The following TARS1 variants were observed in gnomAD, a reference collection of about 807,000 sequenced individuals.
The protein encoded by TARS1 is threonyl-tRNA synthetase 1, also known as threonine--tRNA ligase 1, cytoplasmic.
TARS1 carries 57 observed loss-of-function variants against 97.7 expected under a neutral mutation model. The observed-to-expected ratio is 0.58, with a 90% CI of 0.47 to 0.73. TARS1 has a LOEUF of 0.73. TARS1 is among the 30% of genes least tolerant of loss of function. The pLI, the probability that TARS1 is intolerant of heterozygous loss-of-function variation, is 0.00. For synonymous variants in TARS1, 312 were observed against 293.7 expected, an observed-to-expected ratio of 1.06 and a Z score of -0.64; for missense variants, 806 against 888.3, an observed-to-expected ratio of 0.91 and a Z score of 1.18.
At chr5:33,462,278 T>A in intron 16 of TARS1, 75 bp downstream of exon 16, 1 of 1,306,546 alleles carries the variant, frequency 7.7e-7, no homozygotes, top group Non-Finnish European at 1.1e-6. Context: ...TCGATTTAAT[T>A]ATCAGATGGA....
chr5:33,455,914 A>G, intron 6 of TARS1, 88 bp from the exon 7 acceptor site: 1 of 1,164,630 alleles, frequency 8.6e-7, no homozygotes, highest in Non-Finnish European at 1.2e-6. Flanking sequence ...CAACATTTAT[A>G]TTCATACAGT....
In TARS1 at chr5:33,461,961, A is replaced by G. The variant is rs1433872437; in HGVS notation, c.1685A>G (p.Gln562Arg). The G allele has an allele frequency of 6.2e-7, 1 of 1,614,090 alleles. No individual in the cohort carries two copies. Among genetic ancestry groups the G allele is most frequent in the Non-Finnish European group, 8.5e-7 (1 of 1,179,928 alleles). The change falls in exon 15 of 19, where the codon CAG (glutamine) becomes CGG (arginine). Residue 562 changes from glutamine (Q) to arginine (R), a missense_variant. By Grantham distance (43) the Gln-to-Arg change is conservative. Transcript: ENST00000265112. ...IGRYHQCATI[Q>R]LDFQLPIRFN... ...CGGTACCACCAGTGTGCAACCATCC[A>G]GCTGGATTTCCAGTTGCCCATCAGA...
intron 17 of TARS1, among the ~76,000 whole-genome samples, chr5:33,464,345 G>C (rs1040550355): frequency 6.6e-6 from 1 of 152,116 alleles, no homozygotes; most frequent in African/African-American, 2.4e-5. Context: ...GAGTAATTTT[G>C]CTTCATTTTA....
At chr5:33,457,515 CT>C in intron 9 of TARS1, 112 bp downstream of exon 9, 2 of 1,150,002 alleles carry the variant, frequency 1.7e-6, no homozygotes, top group Non-Finnish European at 2.5e-6. Context: ...GATGTTGTGG[CT>C]TTTTAGTAAC....
Position 33,466,944 on chromosome 5 carries a change from A to T in TARS1, c.1982A>T (p.Lys661Met). The T allele has an allele frequency of 2.5e-6, 4 of 1,606,288 alleles. No individual in the cohort carries two copies. Among genetic ancestry groups the T allele is most frequent in the Non-Finnish European group, 3.4e-6 (4 of 1,176,620 alleles). Reference protein sequence around the residue: ...DLDPGCTLNKKIRNAQLAQYN... With the variant: ...DLDPGCTLNKMIRNAQLAQYN... ...GATCCAGGCTGTACATTGAATAAAA[A>T]GATTCGAAATGCACAGTTAGCACAG... Residue 661 changes from lysine to methionine, a missense_variant, in exon 18 of 19, where the codon AAG becomes ATG. Around this residue, in one of 3 missense-constraint regions of TARS1, gnomAD observed 446 missense variants for 511.0 expected, o/e 0.87. Transcript: ENST00000265112.
Position 33,445,396 on chromosome 5 carries a change from C to G in TARS1, c.130C>G (p.Arg44Gly), listed in dbSNP as rs773821743. 3 of 1,612,756 alleles carry G rather than the reference C, an allele frequency of 1.9e-6. No individual in the cohort carries two copies. The highest frequency in any genetic ancestry group is 2.2e-5 in the East Asian group (1 of 44,802). The change falls in exon 2 of 19, where the codon CGA becomes GGA. Residue 44 changes from arginine to glycine, a missense_variant. This residue lies in a region of TARS1 where 356 missense variants were observed against 357.8 expected (regional missense o/e 0.99). Transcript: ENST00000265112. ...CAAAGAAGGATCTGGAGATGGAGGT[C>G]GAGCTGAGGTAAAAGTTATCATCAC... ...KNKEGSGDGG[R>G]AELNPWPEYI...
At position 33,467,689 on chromosome 5, in the gene TARS1, A is replaced by G. The variant is rs749040895; in HGVS notation, c.2153A>G (p.Gln718Arg). Residue 718 changes from glutamine (Q) to arginine (R), a missense_variant, in exon 19 of 19, where the codon CAG (glutamine) becomes CGG (arginine). Transcript: ENST00000265112. Reference protein sequence around the residue: ...LQQLKEFRSKQAEEEF With the variant: ...LQQLKEFRSKRAEEEF ...CAGCTCAAAGAGTTCCGCAGCAAAC[A>G]GGCAGAAGAAGAATTTTAATGAAAA... The G allele has an allele frequency of 1.9e-6, 3 of 1,610,146 alleles. No homozygotes were observed. The highest frequency in any genetic ancestry group is 2.5e-6 in the Non-Finnish European group (3 of 1,178,978).
At chr5:33,453,461 T>C (rs771876897) in intron 4 of TARS1, 49 bp downstream of exon 4, 3 of 1,608,236 alleles carry the variant, frequency 1.9e-6, no homozygotes, top group Non-Finnish European at 2.5e-6. Flanking sequence ...AGATTCACAT[T>C]TGAAGTCTTT....
Position 33,461,997 on chromosome 5 carries a change from C to T in TARS1, c.1721C>T (p.Thr574Ile). 2 of 1,613,778 alleles carry T rather than the reference C, an allele frequency of 1.2e-6. No homozygotes were observed. Among genetic ancestry groups the T allele is most frequent in the Non-Finnish European group, 1.7e-6 (2 of 1,179,768 alleles). The change falls in exon 15 of 19, where the codon ACT becomes ATT. Residue 574 changes from threonine to isoleucine, a missense_variant. By Grantham distance (89) the Thr-to-Ile change is moderately conservative. Coordinates refer to ENST00000265112, the MANE Select transcript of TARS1 (RefSeq NM_152295.5). ...CAGTTGCCCATCAGATTTAATCTTA[C>T]TTATGTAAGGTGAGTTTCTGGTGTC... ...DFQLPIRFNL[T>I]YVSHDGDDKK...
At chr5:33,466,760 T>A (rs1439435111) in intron 17 of TARS1, 111 bp from the exon 18 acceptor site, 2 of 624,716 alleles carry the variant, frequency 3.2e-6, no homozygotes, top group Non-Finnish European at 5.2e-6. Context: ...AGCTTTAAAT[T>A]CCTGGAAGTT....
intron 1 of TARS1, among the ~76,000 whole-genome samples, chr5:33,443,320 C>CCTCCCTCTCTCTCT: frequency 8.4e-6 from 1 of 118,484 alleles, no homozygotes; most frequent in Non-Finnish European, 1.7e-5. Context: ...TCTCTCTCTC[C>CCTCCCTCTCTCTCT]CTCTCTCTCT....
intron 1 of TARS1, among the ~76,000 whole-genome samples, chr5:33,442,449 C>T (rs1262643788): frequency 6.6e-6 from 1 of 151,044 alleles, no homozygotes; most frequent in Non-Finnish European, 1.5e-5. Context: ...TTTTTCCTTC[C>T]TGTAATAATT....
At chr5:33,455,800 T>C in intron 6 of TARS1, 96 bp downstream of exon 6, 2 of 1,019,910 alleles carry the variant, frequency 2.0e-6, no homozygotes, top group South Asian at 3.1e-5. Flanking sequence ...TAAGCTGAAG[T>C]CTAATTGGTT....
At chr5:33,466,636 G>GAAT (rs1270133170) in intron 17 of TARS1, 5 of 317,154 alleles carry the variant, frequency 1.6e-5, no homozygotes, top group African/African-American at 4.3e-5. Flanking sequence ...TTTTGGAAAA[G>GAAT]AATACTGAAA....
intron 4 of TARS1, 108 bp downstream of exon 4, chr5:33,453,520 C>CA: frequency 7.4e-7 from 1 of 1,353,536 alleles, no homozygotes; most frequent in Non-Finnish European, 1.0e-6. Context: ...ATTGTTGTCT[C>CA]ACTGTCATAT....
chr5:33,457,711 C>A (rs73074392), intron 9 of TARS1, among the ~76,000 whole-genome samples: 1 of 152,028 alleles, frequency 6.6e-6, no homozygotes, highest in South Asian at 2.1e-4. Flanking sequence ...CTATGGAAAC[C>A]CTCTAGTTTC....
At chr5:33,458,420 A>G (rs922601598) in intron 9 of TARS1, 146 bp from the exon 10 acceptor site, 22 of 569,608 alleles carry the variant, frequency 3.9e-5, no homozygotes, top group Non-Finnish European at 5.9e-5. Flanking sequence ...AAACACTGAC[A>G]TGGTTTCTTT....
At chr5:33,455,873 T>C in intron 6 of TARS1, 129 bp from the exon 7 acceptor site, 2 of 987,590 alleles carry the variant, frequency 2.0e-6, no homozygotes, top group Non-Finnish European at 3.0e-6. Flanking sequence ...AGCAAACCAT[T>C]CCTTCAACAT....
chr5:33,467,930 A>G lies in TARS1; in HGVS notation c.*222A>G. On this transcript the variant is annotated 3_prime_UTR_variant, in exon 19 of 19. Coordinates refer to ENST00000265112, the MANE Select transcript of TARS1 (RefSeq NM_152295.5). The stretch of plus-strand genomic sequence containing the variant: ...GAGAGCCAATAAAATGATTTTACTC[A>G]TTCAGTATCTGAGTACTGGAAGTGA... 2.2e-6 allele frequency: 1 copy of G among 451,136 alleles called. No individual in the cohort carries two copies. The highest frequency in any genetic ancestry group is 3.9e-6 in the Non-Finnish European group (1 of 257,754). 27.9% of individuals were successfully genotyped at this position (451,136 alleles called of 1,614,324 possible).
Sources: gnomAD v4.1 joint callset for allele counts (sites outside exome capture counted in the v4.1 genomes callset) on GRCh38, gnomAD v4.1.1 for gene constraint, gnomAD v4.1.1 regional missense constraint, MANE v1.5 for transcripts, NCBI Gene and HGNC (gene_info 2026-07-23, HGNC 2026-07-21) for gene names.